UBXN11: variants seen among roughly 807,000 people sequenced by gnomAD.
The protein encoded by UBXN11 is UBX domain protein 11.
In UBXN11, 47 loss-of-function variants were observed where a neutral mutation model predicts 62.8. That is an observed-to-expected ratio of 0.75 (90% CI 0.59 to 0.95). The LOEUF (loss-of-function observed/expected upper bound fraction) is 0.95. Ranked by LOEUF, UBXN11 falls within the 40% of genes least tolerant of loss-of-function variation. The pLI, the probability that UBXN11 is intolerant of heterozygous loss-of-function variation, is 0.00. For synonymous variants in UBXN11, 294 were observed against 267.0 expected (o/e 1.10, Z -0.99); for missense variants, 638 against 661.7 (o/e 0.96, Z 0.39).
intron 4 of UBXN11, among the ~76,000 whole-genome samples, chr1:26,299,249 C>T (rs2073468991): frequency 6.6e-6 from 1 of 151,918 alleles, no homozygotes; most frequent in South Asian, 2.1e-4. Context: ...CAGTGGCTCG[C>T]ACCTGTAATC....
chr1:26,303,013 T>C, intron 1 of UBXN11, 95 bp from the exon 2 acceptor site: 1 of 777,970 alleles, frequency 1.3e-6, no homozygotes, highest in Non-Finnish European at 2.1e-6. Context: ...CTACTCTTCC[T>C]AATGGGAAGC....
Position 26,284,639 on chromosome 1 carries a change from C to G in UBXN11, c.853-157G>C, listed in dbSNP as rs558284804. 23 of 1,389,526 alleles carry G rather than the reference C, an allele frequency of 1.7e-5. No individual in the cohort carries two copies. In the African/African-American group the frequency reaches 3.1e-4, roughly 19 times the overall value. The allele number at this position is 1,389,526 out of a possible 1,614,324, so 86.1% of individuals were successfully genotyped here. A position where few individuals can be genotyped will look rare whatever the true frequency, so the allele number is the denominator to read the frequency against. ...CCCAGGCCTCAGGAGAGCCACGGTTCGTACTGCTGTCATCTCCCTCAGCCC... is the reference window on the plus strand; with the variant it reads ...CCCAGGCCTCAGGAGAGCCACGGTTGGTACTGCTGTCATCTCCCTCAGCCC... On this transcript the variant is annotated intron_variant, in intron 10 of 14. Coordinates refer to ENST00000374222, the MANE Select transcript of UBXN11 (RefSeq NM_001389556.1).
intron 4 of UBXN11, among the ~76,000 whole-genome samples, chr1:26,299,233 T>C (rs2073468367): frequency 6.6e-6 from 1 of 151,984 alleles, no homozygotes; most frequent in African/African-American, 2.4e-5. Context: ...GCTGAGGGCC[T>C]GGGTGCAGTG....
In UBXN11 at chr1:26,282,361, G is replaced by GTCCGGGACAGGGACTGGA. The variant is rs2073009975; in HGVS notation, c.1500_1501insTCCAGTCCCTGTCCCGGA (p.Gly500_Pro501insSerSerProCysProGly). ...GGGCCGGGACCGGGACCGGGACTGG[G>GTCCGGGACAGGGACTGGA]GCCGGGACCGGGACCGGGACTGGGG... On this transcript the variant is annotated inframe_insertion, in exon 15 of 15. Coordinates refer to ENST00000374222, the MANE Select transcript of UBXN11 (RefSeq NM_001389556.1). The GTCCGGGACAGGGACTGGA allele has an allele frequency of 5.5e-6, 1 of 180,284 alleles. No homozygotes were observed. Among genetic ancestry groups the GTCCGGGACAGGGACTGGA allele is most frequent in the Non-Finnish European group, 1.0e-5 (1 of 99,074 alleles). The allele number at this position is 180,284 out of a possible 1,614,324, so 11.2% of individuals were successfully genotyped here.
chr1:26,290,730 G>A (rs2073241805), intron 8 of UBXN11, among the ~76,000 whole-genome samples: 1 of 151,940 alleles, frequency 6.6e-6, no homozygotes, highest in East Asian at 1.9e-4. Flanking sequence ...GCCATGGAGG[G>A]AGGCAGGGAC....
intron 8 of UBXN11, among the ~76,000 whole-genome samples, chr1:26,289,289 G>T (rs980164455): frequency 4.6e-5 from 7 of 152,118 alleles, no homozygotes; most frequent in African/African-American, 9.7e-5. Flanking sequence ...GGTGGCTGTT[G>T]TTGTCCCTAG....
Position 26,296,904 on chromosome 1 carries a change from G to T in UBXN11, c.432+15C>A. ...CTGCTGGCTGCCCGCATCCCCCGGG[G>T]CCCAGCTCTCTCACCTCCATCTCCC... On this transcript the variant is annotated intron_variant, in intron 7 of 14. Transcript: ENST00000374222. 1 of 1,598,626 alleles carries T rather than the reference G, an allele frequency of 6.3e-7. No individual in the cohort carries two copies. The highest frequency in any genetic ancestry group is 8.5e-7 in the Non-Finnish European group (1 of 1,172,130).
chr1:26,294,168 C>G, intron 8 of UBXN11, 37 bp downstream of exon 8: 1 of 1,610,420 alleles, frequency 6.2e-7, no homozygotes, highest in Non-Finnish European at 8.5e-7. Flanking sequence ...TGGAGAATTC[C>G]TTTTGAAGAG....
intron 1 of UBXN11, among the ~76,000 whole-genome samples, chr1:26,303,728 T>G (rs1437125755): frequency 6.6e-6 from 1 of 151,968 alleles, no homozygotes; most frequent in Non-Finnish European, 1.5e-5. Flanking sequence ...CAGTTTCTTT[T>G]AGTATAAAAT....
In UBXN11 at chr1:26,285,833, G is replaced by T. The variant is rs1284705057; in HGVS notation, c.764C>A (p.Pro255His). ...FDGPFQPFYD[P>H]STQRCLRDIL... is the part of the protein sequence containing the mutation. ...CAACACCGCTCCTACCTGTGTGGAG[G>T]GATCGTAGAAGGGCTGGAAGGGCCC... The change falls in exon 9 of 15, where the codon CCC (proline) becomes CAC (histidine). Residue 255 changes from proline to histidine, a missense_variant. Coordinates refer to ENST00000374222, the MANE Select transcript of UBXN11 (RefSeq NM_001389556.1). 1 of 1,605,612 alleles carries T rather than the reference G, an allele frequency of 6.2e-7. No homozygotes were observed. The highest frequency in any genetic ancestry group is 1.7e-5 in the Admixed American group (1 of 59,786).
At chr1:26,295,938 C>G (rs2073381801) in intron 7 of UBXN11, among the ~76,000 whole-genome samples, 1 of 152,238 alleles carries the variant, frequency 6.6e-6, no homozygotes, top group African/African-American at 2.4e-5. Flanking sequence ...GCCCCTGCCC[C>G]GAGGCTCTGG....
intron 1 of UBXN11, among the ~76,000 whole-genome samples, chr1:26,303,392 AGGTGGGTGGATCGCCTG>A (rs2073585686): frequency 2.0e-5 from 3 of 152,080 alleles, no homozygotes; most frequent in Non-Finnish European, 4.4e-5. Context: ...ACACAGGCCG[AGGTGGGTGGATCGCCTG>A]AGGTCAGTGG....
rs2073780157 is a variant in UBXN11, at chr1:26,315,151, T to A, written c.-149+2896A>T. On this transcript the variant is annotated intron_variant, in intron 1 of 14. Transcript: ENST00000374217. ...GGGCTTTCCTTGCAGAGGAAATACA[T>A]GGACTGTAGAAGATACTCCTCAGGG... Among the ~76,000 whole-genome samples, 5 of 152,168 alleles carry A rather than the reference T, an allele frequency of 3.3e-5. No individual in the cohort carries two copies. In the South Asian group the frequency reaches 1.0e-3, roughly 32 times the overall value.
rs1047774946 is a variant in UBXN11, at chr1:26,284,751, G to A, written c.853-269C>T. Reference sequence around the variant, plus strand: ...GAGACCCCCCTCTCAGGAGCCTACCGTGAAGGCAGAGTGTGAGGGGGTCAG... The same window carrying A: ...GAGACCCCCCTCTCAGGAGCCTACCATGAAGGCAGAGTGTGAGGGGGTCAG... On this transcript the variant is annotated intron_variant, in intron 10 of 14. Transcript: ENST00000374222. The A allele has an allele frequency of 1.4e-5, 18 of 1,243,850 alleles. No individual in the cohort carries two copies. The Admixed American group carries it at 1.6e-4, about 11-fold the overall frequency. 77.1% of individuals were successfully genotyped at this position (1,243,850 alleles called of 1,614,324 possible). A position where few individuals can be genotyped will look rare whatever the true frequency, so the allele number is the denominator to read the frequency against.
At chr1:26,290,048 C>T (rs1264023270) in intron 8 of UBXN11, among the ~76,000 whole-genome samples, 1 of 152,212 alleles carries the variant, frequency 6.6e-6, no homozygotes, top group East Asian at 1.9e-4. Flanking sequence ...CCTGCCGGGT[C>T]CCACCTGCAG....
chr1:26,283,011 A>C, intron 12 of UBXN11, 74 bp from the exon 13 acceptor site: 1 of 1,587,090 alleles, frequency 6.3e-7, no homozygotes, highest in Admixed American at 1.7e-5. Flanking sequence ...TTAGAGGGAC[A>C]CTTCCTTGAC....
At chr1:26,302,235 C>G (rs913601910) in intron 2 of UBXN11, among the ~76,000 whole-genome samples, 1 of 151,938 alleles carries the variant, frequency 6.6e-6, no homozygotes, top group Non-Finnish European at 1.5e-5. Context: ...TTATAGCATG[C>G]GCCTGTAGTC....
At chr1:26,317,882 C>G in intron 1 of UBXN11, 4 of 717,370 alleles carry the variant, frequency 5.6e-6, no homozygotes, top group Non-Finnish European at 1.0e-5. Flanking sequence ...ACCTTGTAAG[C>G]CCTCCTTCCT....
chr1:26,303,859 G>GT (rs2073599494), intron 1 of UBXN11, among the ~76,000 whole-genome samples: 1 of 152,152 alleles, frequency 6.6e-6, no homozygotes, highest in African/African-American at 2.4e-5. Flanking sequence ...GGCTGCTGTT[G>GT]TTTTTGCTGT....
Sources: gnomAD v4.1 joint callset for allele counts (sites outside exome capture counted in the v4.1 genomes callset) on GRCh38, gnomAD v4.1.1 for gene constraint, MANE v1.5 for transcripts, NCBI Gene and HGNC (gene_info 2026-07-23, HGNC 2026-07-21) for gene names.